Variants in INPP4A observed in about 807,000 individuals in gnomAD.
The protein encoded by INPP4A is inositol polyphosphate-4-phosphatase type I A, also known as inositol polyphosphate-4-phosphatase, type I, 107kD.
In INPP4A, 33 loss-of-function variants were observed where a neutral mutation model predicts 119.8. The ratio of observed to expected loss-of-function variants is 0.28; its 90% CI spans 0.21 to 0.37. INPP4A has a LOEUF of 0.37. Among genes scored for constraint, INPP4A ranks in the 10% least tolerant of loss-of-function variants. The pLI is 1.00. For missense variants in INPP4A, 956 were observed against 1,289.9 expected (o/e 0.74, Z 3.97); for synonymous variants, 496 against 500.7 (o/e 0.99, Z 0.12).
intron 1 of INPP4A, among the ~76,000 whole-genome samples, chr2:98,493,135 T>G (rs903591216): frequency 6.6e-6 from 1 of 152,174 alleles, no homozygotes; most frequent in Non-Finnish European, 1.5e-5. Context: ...TGGACAACAC[T>G]TGGGGACTTC....
chr2:98,454,247 T>C (rs149928551), intron 1 of INPP4A, among the ~76,000 whole-genome samples: 2 of 152,368 alleles, frequency 1.3e-5, no homozygotes, highest in Non-Finnish European at 2.9e-5. Flanking sequence ...GACTCCCCGC[T>C]GGAATCCTCT....
chr2:98,523,030 G>C (rs903928421), intron 4 of INPP4A, among the ~76,000 whole-genome samples: 2 of 152,206 alleles, frequency 1.3e-5, no homozygotes, highest in Non-Finnish European at 2.9e-5. Flanking sequence ...ATCCTAAAGA[G>C]GGACCACACT....
At position 98,546,578 on chromosome 2, in the gene INPP4A, T is replaced by C; in HGVS notation, c.1055-8T>C. On this transcript the variant is annotated splice_polypyrimidine_tract_variant and splice_region_variant and intron_variant, in intron 12 of 24. Coordinates refer to ENST00000409851, the MANE Select transcript of INPP4A (RefSeq NM_001134225.2). This position sits in a 1 kb window ranked among gnomAD's most constrained non-coding sequence, Gnocchi z 4.2. Reference sequence around the variant, plus strand: ...CAGAGTAATGGAGGAGAGCTTTCTGTCATTCAGATCAGAACTACGACATCG... The same window carrying C: ...CAGAGTAATGGAGGAGAGCTTTCTGCCATTCAGATCAGAACTACGACATCG... The C allele has an allele frequency of 6.2e-7, 1 of 1,600,450 alleles. No individual in the cohort carries two copies. Among genetic ancestry groups the C allele is most frequent in the Non-Finnish European group, 8.6e-7 (1 of 1,167,908 alleles).
intron 1 of INPP4A, among the ~76,000 whole-genome samples, chr2:98,462,087 A>C (rs1234866635): frequency 6.6e-6 from 1 of 152,214 alleles, no homozygotes; most frequent in African/African-American, 2.4e-5. Context: ...CCTGGCCTGT[A>C]GGGTTTTCTT....
At chr2:98,585,952 G>A (rs780809181) in intron 24 of INPP4A, among the ~76,000 whole-genome samples, 1 of 152,244 alleles carries the variant, frequency 6.6e-6, no homozygotes, top group Non-Finnish European at 1.5e-5. Context: ...AGCCATATCT[G>A]AAGTAGTTCA....
At chr2:98,494,353 C>A (rs1420881574) in intron 1 of INPP4A, among the ~76,000 whole-genome samples, 2 of 152,072 alleles carry the variant, frequency 1.3e-5, no homozygotes. Context: ...CTTTGTCAGT[C>A]CAGCTAGTTT....
chr2:98,482,978 G>A (rs1009796329), intron 1 of INPP4A, among the ~76,000 whole-genome samples: 7 of 152,112 alleles, frequency 4.6e-5, no homozygotes, highest in Admixed American at 1.3e-4. Context: ...GAATCTGTAC[G>A]TATATAATGC....
intron 13 of INPP4A, among the ~76,000 whole-genome samples, chr2:98,549,793 C>T (rs546226735): frequency 6.6e-6 from 1 of 152,210 alleles, no homozygotes; most frequent in African/African-American, 2.4e-5. Flanking sequence ...CCCTGGGGGT[C>T]CTTTTCCCTG....
intron 1 of INPP4A, among the ~76,000 whole-genome samples, chr2:98,484,317 G>A (rs539431727): frequency 5.9e-5 from 9 of 152,248 alleles, no homozygotes; most frequent in South Asian, 2.1e-4. Context: ...TCCCATCTCC[G>A]TTCCTCCTGT....
chr2:98,559,641 A>G, intron 17 of INPP4A, 146 bp downstream of exon 17: 1 of 845,446 alleles, frequency 1.2e-6, no homozygotes, highest in South Asian at 1.8e-5. Context: ...GGCATAAAAC[A>G]CTTTTCGCAG....
rs1180530697 is a variant in INPP4A, at chr2:98,569,030, C to G, written c.2518+362C>G. On this transcript the variant is annotated intron_variant, in intron 22 of 24. Transcript: ENST00000409851. The surrounding 1 kb of genome is among the most constrained non-coding windows in gnomAD (Gnocchi z 5.1). Reference sequence around the variant, plus strand: ...CCAGGTGAGCGGCCCACTCACTTCCCTTTGTGGTGCTTAGAGAGGAAGATG... The same window carrying G: ...CCAGGTGAGCGGCCCACTCACTTCCGTTTGTGGTGCTTAGAGAGGAAGATG... 2.6e-5 allele frequency: 5 copies of G among 193,910 alleles called. No homozygotes were observed. Among genetic ancestry groups the G allele is most frequent in the Non-Finnish European group, 4.3e-5 (4 of 92,992 alleles). The allele number at this position is 193,910 out of a possible 1,614,324, so 12.0% of individuals were successfully genotyped here.
intron 16 of INPP4A, among the ~76,000 whole-genome samples, chr2:98,557,243 G>A (rs887134798): frequency 9.9e-5 from 15 of 152,168 alleles, no homozygotes; most frequent in Admixed American, 2.6e-4. Context: ...TTTGACTTGC[G>A]TGTGCCATAA....
At chr2:98,535,558 GTTTT>G (rs956302370) in intron 5 of INPP4A, among the ~76,000 whole-genome samples, 167 bp from the exon 6 acceptor site, 1 of 152,076 alleles carries the variant, frequency 6.6e-6, no homozygotes, top group Admixed American at 6.6e-5. Context: ...AAAAAGCAGA[GTTTT>G]TTTGTTTGTT....
chr2:98,581,903 C>A, intron 24 of INPP4A: 3 of 1,299,802 alleles, frequency 2.3e-6, no homozygotes, highest in African/African-American at 1.5e-5. Context: ...ACGTTTTGTT[C>A]TTCTGAACTG....
chr2:98,484,569 A>G (rs541264923), intron 1 of INPP4A, among the ~76,000 whole-genome samples: 2 of 152,250 alleles, frequency 1.3e-5, no homozygotes, highest in African/African-American at 2.4e-5. Flanking sequence ...GAGAGGCACT[A>G]AACAACCTAA....
At position 98,593,411 on chromosome 2, in the gene INPP4A, T is replaced by A. The variant is rs925003443; in HGVS notation, c.*5803T>A. ...GTCCTACGTCTCTGACCATCCCTCC[T>A]CACTCTCAAATTTTATGTTGCCCAC... On this transcript the variant is annotated 3_prime_UTR_variant, in exon 25 of 25. Transcript: ENST00000409851. The A allele has an allele frequency of 6.6e-6, 1 of 152,322 alleles. No homozygotes were observed. The highest frequency in any genetic ancestry group is 1.9e-4 in the East Asian group (1 of 5,188). 9.4% of individuals were successfully genotyped at this position (152,322 alleles called of 1,614,324 possible). A position where few individuals can be genotyped will look rare whatever the true frequency, so the allele number is the denominator to read the frequency against.
intron 23 of INPP4A, among the ~76,000 whole-genome samples, chr2:98,575,049 C>T (rs1698186117): frequency 6.6e-6 from 1 of 152,218 alleles, no homozygotes; most frequent in African/African-American, 2.4e-5. Flanking sequence ...CAGTGCCAGC[C>T]ACTCAGGTAC....
chr2:98,449,021 A>G (rs555323702), intron 1 of INPP4A, among the ~76,000 whole-genome samples: 55 of 152,204 alleles, frequency 3.6e-4, no homozygotes, highest in African/African-American at 1.2e-3. Context: ...AGCCTTCTTA[A>G]TGTATCCCAT....
At chr2:98,540,815 C>G (rs1691287337) in intron 10 of INPP4A, among the ~76,000 whole-genome samples, 1 of 152,278 alleles carries the variant, frequency 6.6e-6, no homozygotes, top group African/African-American at 2.4e-5. Flanking sequence ...CTTAAAGGTC[C>G]CACTTCTCAA....
Sources: allele counts gnomAD v4.1 joint callset (sites outside exome capture counted in the v4.1 genomes callset), GRCh38; gene constraint gnomAD v4.1.1; non-coding constraint Gnocchi (gnomAD v3.1); transcripts MANE v1.5; gene names NCBI Gene and HGNC (gene_info 2026-07-23, HGNC 2026-07-21).